Variants in CPLANE1 observed in about 807,000 individuals in gnomAD.
The protein encoded by CPLANE1 is ciliogenesis and planar polarity effector complex subunit 1.
A neutral mutation model predicts 362.5 loss-of-function variants in CPLANE1; 263 were observed. The observed-to-expected ratio is 0.73, with a 90% CI of 0.66 to 0.80. CPLANE1 has a LOEUF of 0.80. Among genes scored for constraint, CPLANE1 ranks in the 30% least tolerant of loss-of-function variants. The pLI is 0.00. For missense variants in CPLANE1, 3,461 were observed against 3,793.4 expected, an observed-to-expected ratio of 0.91 and a Z score of 2.30; for synonymous variants, 1,212 against 1,302.6, an observed-to-expected ratio of 0.93 and a Z score of 1.50.
intron 5 of CPLANE1, among the ~76,000 whole-genome samples, chr5:37,244,142 G>A (rs551685748): frequency 6.6e-6 from 1 of 152,026 alleles, no homozygotes; most frequent in Admixed American, 6.6e-5. Flanking sequence ...GAGCCACCGC[G>A]CCCGGCATAA....
intron 37 of CPLANE1, among the ~76,000 whole-genome samples, chr5:37,163,212 T>C (rs1044601979): frequency 2.0e-5 from 3 of 152,116 alleles, no homozygotes; most frequent in African/African-American, 7.2e-5. Flanking sequence ...ATATACCTAG[T>C]AATGGTGAGG....
At chr5:37,102,842 C>T (rs1757360407), downstream of CPLANE1, among the ~76,000 whole-genome samples, 1 of 151,868 alleles carries the variant, frequency 6.6e-6, no homozygotes, top group Non-Finnish European at 1.5e-5. Flanking sequence ...TTTTAGAGTG[C>T]CATGTGATGA....
At chr5:37,129,749 G>A (rs1470501849) in intron 46 of CPLANE1, among the ~76,000 whole-genome samples, 1 of 152,194 alleles carries the variant, frequency 6.6e-6, no homozygotes, top group Non-Finnish European at 1.5e-5. Flanking sequence ...AATAATAGAT[G>A]TTGGCAGGGA....
rs765356032 is a variant in CPLANE1, at chr5:37,148,195, C to T, written c.8447G>A (p.Ser2816Asn). ...FKKTLASKTISISEEVRFLTH... is the reference protein window; with the variant it reads ...FKKTLASKTINISEEVRFLTH... ...CCCCTACAAACCTTCTTCAGAAATG[C>T]TAATGGTTTTTGAAGCTAATGTTTT... The change falls in exon 43 of 53, where the codon AGC becomes AAC. Residue 2816 changes from serine to asparagine, a missense_variant. Physicochemically the swap from Ser to Asn is conservative, Grantham distance 46. Coordinates refer to ENST00000651892, the MANE Select transcript of CPLANE1 (RefSeq NM_001384732.1). 5.6e-6 allele frequency: 9 copies of T among 1,612,568 alleles called. No individual in the cohort carries two copies. In the South Asian group the frequency reaches 9.9e-5, roughly 18 times the overall value.
chr5:37,177,575 C>T (rs775260044), intron 30 of CPLANE1, 46 bp downstream of exon 30: 1 of 1,395,450 alleles, frequency 7.2e-7, no homozygotes, highest in East Asian at 2.3e-5. Flanking sequence ...GAAAGCTTCA[C>T]TGAGGTAACC....
intron 21 of CPLANE1, among the ~76,000 whole-genome samples, chr5:37,192,893 G>A (rs1478099575): frequency 6.6e-6 from 1 of 150,886 alleles, no homozygotes; most frequent in Admixed American, 6.6e-5. Flanking sequence ...TCTGGGCCGG[G>A]CATAGTGGCT....
intron 9 of CPLANE1, among the ~76,000 whole-genome samples, chr5:37,230,376 A>G (rs1416172894): frequency 6.6e-6 from 1 of 152,070 alleles, no homozygotes; most frequent in African/African-American, 2.4e-5. Flanking sequence ...ACAAAATATC[A>G]CATGTATCCC....
In CPLANE1 at chr5:37,152,183, G is replaced by GT. The variant is rs531348835; in HGVS notation, c.8373+1556dup. On this transcript the variant is annotated intron_variant, in intron 42 of 52. Transcript: ENST00000651892. ...ATTAGACTTTAAGACATTTAACTTT[G>GT]TTTTTTTTTAAGAGGCAGGGTCTTG... Among the ~76,000 whole-genome samples the GT allele has an allele frequency of 1.0e-3, 150 of 150,698 alleles. 2 individuals are homozygous for GT. In the East Asian group the frequency reaches 0.026, roughly 26 times the overall value.
chr5:37,158,688 C>T (rs1775895681), intron 38 of CPLANE1, among the ~76,000 whole-genome samples: 1 of 152,002 alleles, frequency 6.6e-6, no homozygotes, highest in Non-Finnish European at 1.5e-5. Context: ...TTCAACAAAA[C>T]CAGATTTTAG....
intron 39 of CPLANE1, 104 bp downstream of exon 39, chr5:37,158,120 G>C: frequency 7.8e-7 from 1 of 1,289,602 alleles, no homozygotes; most frequent in Non-Finnish European, 1.1e-6. Context: ...CTACATAGAT[G>C]AGATTTTTAA....
intron 6 of CPLANE1, among the ~76,000 whole-genome samples, chr5:37,240,438 G>A (rs549696789): frequency 8.5e-5 from 13 of 152,218 alleles, no homozygotes; most frequent in African/African-American, 1.2e-4. Flanking sequence ...GCATCTCCTC[G>A]GATTCTTGTG....
chr5:37,185,512 C>T (rs1301718378), intron 24 of CPLANE1, among the ~76,000 whole-genome samples: 1 of 151,642 alleles, frequency 6.6e-6, no homozygotes, highest in African/African-American at 2.4e-5. Flanking sequence ...TAATAAGAAA[C>T]AATAGCAAGG....
At chr5:37,142,576 G>A (rs1337804965) in intron 43 of CPLANE1, 96 bp from the exon 44 acceptor site, 2 of 734,716 alleles carry the variant, frequency 2.7e-6, no homozygotes, top group Non-Finnish European at 4.2e-6. Context: ...TGGCAACCCA[G>A]ATATTAGAAG....
chr5:37,157,903 A>T, intron 39 of CPLANE1, 35 bp from the exon 40 acceptor site: 1 of 835,540 alleles, frequency 1.2e-6, no homozygotes, highest in Non-Finnish European at 1.7e-6. Flanking sequence ...AGAGGGTTAC[A>T]TTCTTTTTAC....
the CPLANE1 span, chr5:37,085,446 G>A: frequency 1.1e-6 from 1 of 889,042 alleles, no homozygotes. Context: ...AATCTTTGTG[G>A]GCACAAAAGG....
intron 38 of CPLANE1, among the ~76,000 whole-genome samples, chr5:37,160,892 C>A (rs1334511953): frequency 6.6e-6 from 1 of 151,978 alleles, no homozygotes; most frequent in East Asian, 1.9e-4. Flanking sequence ...AGGATGGTCT[C>A]GATCTCTTGA....
At chr5:37,079,659 C>T in the CPLANE1 span, among the ~76,000 whole-genome samples, 2 of 152,134 alleles carry the variant, frequency 1.3e-5, no homozygotes, top group African/African-American at 2.4e-5. Context: ...GAAACATTAG[C>T]TTTCATCAGG....
chr5:37,158,509 T>C (rs1053735414), intron 38 of CPLANE1, among the ~76,000 whole-genome samples, 164 bp from the exon 39 acceptor site: 1 of 152,202 alleles, frequency 6.6e-6, no homozygotes, highest in Non-Finnish European at 1.5e-5. Flanking sequence ...CACATTCTAT[T>C]CTAAGGGCAA....
intron 9 of CPLANE1, among the ~76,000 whole-genome samples, chr5:37,229,186 C>T (rs1204116895): frequency 6.7e-6 from 1 of 148,170 alleles, no homozygotes; most frequent in Non-Finnish European, 1.5e-5. Flanking sequence ...CACTACACTC[C>T]AGCCTTGGTA....
Sources: gnomAD v4.1 joint callset for allele counts (sites outside exome capture counted in the v4.1 genomes callset) on GRCh38, gnomAD v4.1.1 for gene constraint, MANE v1.5 for transcripts, NCBI Gene and HGNC (gene_info 2026-07-23, HGNC 2026-07-21) for gene names.